The following HSD17B4 variants were observed in gnomAD, a reference collection of about 807,000 sequenced individuals.
HSD17B4 encodes peroxisomal multifunctional enzyme type 2.
In HSD17B4, 70 loss-of-function variants were observed where a neutral mutation model predicts 101.0. The observed-to-expected ratio is 0.69, with a 90% CI of 0.57 to 0.85. The LOEUF (loss-of-function observed/expected upper bound fraction) is 0.85, where lower values mean the gene tolerates loss of function less well. HSD17B4 is among the 40% of genes least tolerant of loss of function. The probability of loss-of-function intolerance (pLI) is 0.00; values close to 1 mark genes in which losing one functional copy is unlikely to be tolerated. For missense variants in HSD17B4, 984 were observed against 892.4 expected, an observed-to-expected ratio of 1.10 and a Z score of -1.31; for synonymous variants, 347 against 297.1, an observed-to-expected ratio of 1.17 and a Z score of -1.73.
At position 119,525,300 on chromosome 5, in the gene HSD17B4, A is replaced by T. The variant is rs375301683; in HGVS notation, c.1573+15A>T. ...TAGTCTAGCAGGTGAGTTGTCTTTA[A>T]TATGTATCAATGAAAAATATTAGCT... On this transcript the variant is annotated intron_variant, in intron 18 of 23. Coordinates refer to ENST00000510025, the MANE Select transcript of HSD17B4 (RefSeq NM_000414.4). 1 of 1,495,034 alleles carries T rather than the reference A, an allele frequency of 6.7e-7. No individual in the cohort carries two copies. Among genetic ancestry groups the T allele is most frequent in the Non-Finnish European group, 9.3e-7 (1 of 1,072,224 alleles). The allele number at this position is 1,495,034 out of a possible 1,614,324, so 92.6% of individuals were successfully genotyped here.
rs767259858 is a variant in HSD17B4, at chr5:119,479,024, A to T, written c.622+3A>T. 9.3e-6 allele frequency: 15 copies of T among 1,608,948 alleles called. No homozygotes were observed. The highest frequency in any genetic ancestry group is 1.3e-5 in the African/African-American group (1 of 74,922). The stretch of plus-strand genomic sequence containing the variant: ...GACTCAGACAGTTATGCCTGAAGGT[A>T]AGTAAGCAAGCTTATATTTTTCAGT... On this transcript the variant is annotated splice_donor_region_variant and intron_variant, in intron 8 of 23. Coordinates refer to ENST00000510025, the MANE Select transcript of HSD17B4 (RefSeq NM_000414.4).
At chr5:119,498,969 A>G (rs769583234) in intron 12 of HSD17B4, among the ~76,000 whole-genome samples, 1 of 152,184 alleles carries the variant, frequency 6.6e-6, no homozygotes, top group Non-Finnish European at 1.5e-5. Flanking sequence ...AACTTTATAC[A>G]TTAGATCTTA....
intron 2 of HSD17B4, among the ~76,000 whole-genome samples, chr5:119,462,431 C>A (rs969450527): frequency 4.6e-5 from 7 of 151,698 alleles, no homozygotes; most frequent in African/African-American, 7.3e-5. Context: ...TAATCTTTTC[C>A]AAACTGTTTT....
At chr5:119,509,502 T>C in intron 16 of HSD17B4, 1 of 592,798 alleles carries the variant, frequency 1.7e-6, no homozygotes. Flanking sequence ...ATAGTAAATA[T>C]TCTTTCATTT....
chr5:119,482,083 C>T (rs190763888), intron 8 of HSD17B4, among the ~76,000 whole-genome samples: 246 of 152,172 alleles, frequency 1.6e-3, no homozygotes, highest in African/African-American at 5.5e-3. Flanking sequence ...AGCCATCACT[C>T]CTTCAAATAC....
At chr5:119,477,838 A>G (rs193037839) in intron 7 of HSD17B4, 31 of 260,336 alleles carry the variant, frequency 1.2e-4, no homozygotes, top group Non-Finnish European at 2.3e-4. Context: ...CTGTAGCCTT[A>G]CCTCCTGGGC....
chr5:119,516,320 T>C (rs1752608715), intron 17 of HSD17B4, among the ~76,000 whole-genome samples: 1 of 152,184 alleles, frequency 6.6e-6, no homozygotes, highest in South Asian at 2.1e-4. Flanking sequence ...CATGGTTTCA[T>C]GGTTCAGAAA....
intron 17 of HSD17B4, among the ~76,000 whole-genome samples, chr5:119,522,618 G>A (rs1375765130): frequency 2.0e-5 from 3 of 152,136 alleles, no homozygotes; most frequent in Non-Finnish European, 2.9e-5. Context: ...TTCTCTCTGT[G>A]TAGCAACATG....
At chr5:119,493,969 A>AGC in intron 11 of HSD17B4, 23 bp downstream of exon 11, 1 of 1,612,242 alleles carries the variant, frequency 6.2e-7, no homozygotes, top group South Asian at 1.1e-5. Flanking sequence ...CCCGTCACTT[A>AGC]GCCCTGGTTG....
intron 14 of HSD17B4, among the ~76,000 whole-genome samples, chr5:119,504,962 G>A (rs1751511989): frequency 1.3e-5 from 2 of 152,012 alleles, no homozygotes; most frequent in South Asian, 4.1e-4. Flanking sequence ...TCATTTTTCT[G>A]CATATGGCTA....
At chr5:119,462,764 A>G (rs1323116252) in intron 2 of HSD17B4, among the ~76,000 whole-genome samples, 1 of 152,188 alleles carries the variant, frequency 6.6e-6, no homozygotes, top group Non-Finnish European at 1.5e-5. Context: ...GTACAGTGTG[A>G]TATTTTCATA....
At chr5:119,520,589 A>G (rs1301178887) in intron 17 of HSD17B4, among the ~76,000 whole-genome samples, 5 of 152,224 alleles carry the variant, frequency 3.3e-5, no homozygotes, top group Non-Finnish European at 7.3e-5. Flanking sequence ...AAGCTGTACA[A>G]TTGTAGAACT....
rs185117229 is a variant in HSD17B4 at position 119,533,144 on chromosome 5, G to A, written c.1993+1740G>A. On this transcript the variant is annotated intron_variant, in intron 22 of 23. Coordinates refer to ENST00000510025, the MANE Select transcript of HSD17B4 (RefSeq NM_000414.4). ...CTGTACATGTATATAAATAATTCTT[G>A]TAGAACACAAGTGATAAGAGACATG... is the stretch of plus-strand genomic sequence containing the variant. Among the ~76,000 whole-genome samples the A allele has an allele frequency of 2.1e-3, 319 of 152,176 alleles. 5 individuals carry two copies. Among genetic ancestry groups the A allele is most frequent in the Non-Finnish European group, 1.1e-3 (76 of 67,994 alleles).
intron 2 of HSD17B4, among the ~76,000 whole-genome samples, 160 bp from the exon 3 acceptor site, chr5:119,473,748 T>C (rs956149849): frequency 2.0e-5 from 3 of 152,190 alleles, no homozygotes; most frequent in African/African-American, 7.2e-5. Context: ...GTTTTGAAAA[T>C]GGCTGTGTTG....
intron 16 of HSD17B4, among the ~76,000 whole-genome samples, chr5:119,514,414 AT>A (rs1752433963): frequency 6.6e-6 from 1 of 152,160 alleles, no homozygotes; most frequent in South Asian, 2.1e-4. Flanking sequence ...AGCTACTTGA[AT>A]TTTTTATGTT....
At chr5:119,480,015 A>AT (rs1748973611) in intron 8 of HSD17B4, among the ~76,000 whole-genome samples, 2 of 151,954 alleles carry the variant, frequency 1.3e-5, no homozygotes, top group Non-Finnish European at 2.9e-5. Flanking sequence ...TATTGTCAGT[A>AT]TTTTGGATTT....
chr5:119,505,823 A>G (rs555567488), intron 14 of HSD17B4, among the ~76,000 whole-genome samples: 4 of 152,150 alleles, frequency 2.6e-5, no homozygotes, highest in Admixed American at 1.3e-4. Context: ...AATGGGGTAA[A>G]CAGTATTGGT....
chr5:119,495,979 C>A (rs531973115), intron 11 of HSD17B4, among the ~76,000 whole-genome samples: 8 of 152,272 alleles, frequency 5.3e-5, no homozygotes, highest in Non-Finnish European at 1.0e-4. Flanking sequence ...CCATGAGCCT[C>A]CTTTATTAAC....
intron 22 of HSD17B4, among the ~76,000 whole-genome samples, chr5:119,534,727 A>G (rs1302157302): frequency 6.6e-6 from 1 of 152,078 alleles, no homozygotes; most frequent in Non-Finnish European, 1.5e-5. Context: ...TTTTCCTTGA[A>G]AAGGAATATG....
Sources: gnomAD v4.1 joint callset for allele counts (sites outside exome capture counted in the v4.1 genomes callset) on GRCh38, gnomAD v4.1.1 for gene constraint, MANE v1.5 for transcripts, NCBI Gene and HGNC (gene_info 2026-07-23, HGNC 2026-07-21) for gene names.